Variants in DMXL1 observed in about 807,000 individuals in gnomAD.
DMXL1 encodes Dmx like 1.
DMXL1 carries 99 observed loss-of-function variants against 319.2 expected under a neutral mutation model. The ratio of observed to expected loss-of-function variants is 0.31; its 90% CI spans 0.26 to 0.37. The LOEUF (loss-of-function observed/expected upper bound fraction) is 0.37. Among genes scored for constraint, DMXL1 ranks in the 10% least tolerant of loss-of-function variants. The probability of loss-of-function intolerance (pLI) is 1.00; values close to 1 mark genes in which losing one functional copy is unlikely to be tolerated. For synonymous variants in DMXL1, 1,385 were observed against 1,235.2 expected (o/e 1.12, Z -2.54); for missense variants, 3,745 against 3,595.6 (o/e 1.04, Z -1.06).
intron 13 of DMXL1, among the ~76,000 whole-genome samples, chr5:119,143,511 C>G (rs1449299277): frequency 6.6e-6 from 1 of 151,980 alleles, no homozygotes; most frequent in Non-Finnish European, 1.5e-5. Context: ...TCCTTCCTAT[C>G]TCAAAATTAA....
chr5:119,128,311 C>G (rs747270496), intron 9 of DMXL1: 6 of 287,732 alleles, frequency 2.1e-5, no homozygotes, highest in Non-Finnish European at 2.7e-5. Flanking sequence ...TTCCAACCCT[C>G]TCTTCACTGA....
chr5:119,100,544 A>G (rs899304872), intron 2 of DMXL1: 4 of 151,896 alleles, frequency 2.6e-5, no homozygotes, highest in Non-Finnish European at 4.4e-5. Flanking sequence ...GAGAAAATTA[A>G]TCCTCATTTA....
At chr5:119,120,868 A>C in intron 8 of DMXL1, 103 bp from the exon 9 acceptor site, 1 of 916,934 alleles carries the variant, frequency 1.1e-6, no homozygotes. Flanking sequence ...AACATGTAAA[A>C]TGTTCTGAGC....
intron 38 of DMXL1, among the ~76,000 whole-genome samples, chr5:119,226,862 A>C (rs1785671465): frequency 6.6e-6 from 1 of 152,186 alleles, no homozygotes; most frequent in Non-Finnish European, 1.5e-5. Flanking sequence ...AAACAGATGA[A>C]AAGTACATAG....
intron 1 of DMXL1, among the ~76,000 whole-genome samples, chr5:119,091,946 C>T (rs1317974506): frequency 6.6e-6 from 1 of 152,178 alleles, no homozygotes; most frequent in Non-Finnish European, 1.5e-5. Context: ...TTTCTTTAGG[C>T]ACTTGTGATG....
chr5:119,080,515 T>C (rs988691847), intron 1 of DMXL1, among the ~76,000 whole-genome samples: 3 of 152,132 alleles, frequency 2.0e-5, no homozygotes, highest in African/African-American at 7.2e-5. Flanking sequence ...TTTGGAAATA[T>C]CCTTAACACC....
At chr5:119,231,381 A>T (rs1786694814) in intron 38 of DMXL1, among the ~76,000 whole-genome samples, 1 of 152,126 alleles carries the variant, frequency 6.6e-6, no homozygotes, top group South Asian at 2.1e-4. Context: ...CTCTGACTGG[A>T]CCCAATCCAG....
At position 119,118,947 on chromosome 5, in the gene DMXL1, A is replaced by G; in HGVS notation, c.876A>G (p.Leu292=). 6.2e-7 allele frequency: 1 copy of G among 1,613,624 alleles called. No homozygotes were observed. The highest frequency in any genetic ancestry group is 8.5e-7 in the Non-Finnish European group (1 of 1,179,872). The change falls in exon 8 of 44, where the codon TTA becomes TTG. Residue 292 remains leucine, a synonymous_variant. Transcript: ENST00000539542. ...DCSHWTESIN[L]TNNFKRNASS... ...GCCATTGGACTGAATCAATTAATTT[A>G]ACAAATAACTTCAAGAGAAATGCTT...
intron 38 of DMXL1, 21 bp downstream of exon 38, chr5:119,224,790 C>T: frequency 9.2e-7 from 1 of 1,083,670 alleles, no homozygotes; most frequent in East Asian, 2.9e-5. Flanking sequence ...TAATAATTAG[C>T]AATTGTCCTT....
At chr5:119,169,466 A>G (rs1388205104) in intron 23 of DMXL1, among the ~76,000 whole-genome samples, 4 of 152,210 alleles carry the variant, frequency 2.6e-5, no homozygotes. Context: ...AACAATAGGT[A>G]GATGATATGG....
At chr5:119,152,579 T>C (rs1168060531) in intron 19 of DMXL1, among the ~76,000 whole-genome samples, 2 of 152,252 alleles carry the variant, frequency 1.3e-5, no homozygotes, top group African/African-American at 4.8e-5. Flanking sequence ...GTTAGTTCTC[T>C]TACTTTGAAC....
chr5:119,134,855 A>C (rs1188897249), intron 13 of DMXL1, among the ~76,000 whole-genome samples: 1 of 152,180 alleles, frequency 6.6e-6, no homozygotes, highest in African/African-American at 2.4e-5. Context: ...TCTCATACCC[A>C]CCTAATAACA....
At chr5:119,139,935 A>G (rs1052916302) in intron 13 of DMXL1, among the ~76,000 whole-genome samples, 1 of 152,238 alleles carries the variant, frequency 6.6e-6, no homozygotes, top group Non-Finnish European at 1.5e-5. Flanking sequence ...GTTGGACCAC[A>G]GTGCAATAAA....
intron 2 of DMXL1, among the ~76,000 whole-genome samples, chr5:119,101,185 C>G (rs573469520): frequency 7.2e-5 from 11 of 152,180 alleles, no homozygotes; most frequent in African/African-American, 1.9e-4. Flanking sequence ...TCCTCCAGAT[C>G]AATGCAGCAC....
intron 32 of DMXL1, among the ~76,000 whole-genome samples, chr5:119,200,263 A>G (rs555921538): frequency 6.6e-6 from 1 of 152,270 alleles, no homozygotes; most frequent in East Asian, 1.9e-4. Flanking sequence ...TGTTGCAAGG[A>G]AGGCATTCAG....
Position 119,071,314 on chromosome 5 carries a change from C to G in DMXL1, c.-256C>G, listed in dbSNP as rs1276183114. On this transcript the variant is annotated 5_prime_UTR_variant, in exon 1 of 44. Transcript: ENST00000539542. ...GGACCCTGAGCTTCACCTGGGCTAG[C>G]GCGGGGAGTGACAGGTGCGCGAAGG... The G allele has an allele frequency of 4.1e-6, 2 of 493,392 alleles. No individual in the cohort carries two copies. The highest frequency in any genetic ancestry group is 7.2e-6 in the Non-Finnish European group (2 of 278,580). The allele number at this position is 493,392 out of a possible 1,614,324, so 30.6% of individuals were successfully genotyped here.
At chr5:119,210,757 G>GTTTTTTTTTTTTTTTTTTTTTTTTTTTTT in intron 34 of DMXL1, among the ~76,000 whole-genome samples, 1 of 89,776 alleles carries the variant, frequency 1.1e-5, no homozygotes, top group Non-Finnish European at 2.1e-5. Flanking sequence ...TTTTTCTTTC[G>GTTTTTTTTTTTTTTTTTTTTTTTTTTTTT]TTTTTTTTTT....
In DMXL1 at chr5:119,085,961, G is replaced by A. The variant is rs193137983; in HGVS notation, c.88-12018G>A. 2.4e-3 allele frequency among the ~76,000 whole-genome samples: 361 copies of A among 152,122 alleles called. 3 individuals carry two copies. Among genetic ancestry groups the A allele is most frequent in the Non-Finnish European group, 3.8e-3 (260 of 67,980 alleles). On this transcript the variant is annotated intron_variant, in intron 1 of 43. Transcript: ENST00000539542. ...AACTATCATATGGTTTTTGTTCTTG[G>A]TTCTGTTAAGGTGATATATCACGTT... is the stretch of plus-strand genomic sequence containing the variant.
chr5:119,112,255 C>G (rs1486473676), intron 5 of DMXL1, among the ~76,000 whole-genome samples: 2 of 152,236 alleles, frequency 1.3e-5, no homozygotes, highest in Admixed American at 6.5e-5. Context: ...GCCACCGTGC[C>G]CGGCCTGATA....
Sources: gnomAD v4.1 joint callset for allele counts (sites outside exome capture counted in the v4.1 genomes callset) on GRCh38, gnomAD v4.1.1 for gene constraint, MANE v1.5 for transcripts, NCBI Gene and HGNC (gene_info 2026-07-23, HGNC 2026-07-21) for gene names.